SGCZ: variants seen among roughly 807,000 people sequenced by gnomAD.
The protein encoded by SGCZ is zeta-sarcoglycan.
In SGCZ, 40 loss-of-function variants were observed where a neutral mutation model predicts 41.3. The ratio of observed to expected loss-of-function variants is 0.97; its 90% CI spans 0.75 to 1.26. The LOEUF is 1.26. Among genes scored for constraint, SGCZ ranks in the 50% most tolerant of loss-of-function variants. The pLI is 0.00. For missense variants in SGCZ, 552 were observed against 369.8 expected (o/e 1.49, Z -4.04); for synonymous variants, 206 against 137.5 (o/e 1.50, Z -3.49).
intron 1 of SGCZ, among the ~76,000 whole-genome samples, chr8:15,090,498 C>T (rs1359757265): frequency 1.3e-5 from 2 of 152,138 alleles, no homozygotes; most frequent in Middle Eastern, 3.2e-3. Flanking sequence ...AGGGCTGCAC[C>T]CAGGAGGGAA....
intron 3 of SGCZ, among the ~76,000 whole-genome samples, chr8:14,250,534 T>C (rs1393316014): frequency 2.6e-5 from 4 of 152,164 alleles, no homozygotes; most frequent in African/African-American, 9.7e-5. Flanking sequence ...TGCAGTGTGC[T>C]AGCCTCCCCA....
intron 1 of SGCZ, among the ~76,000 whole-genome samples, chr8:14,734,836 A>G (rs1222730956): frequency 5.1e-5 from 3 of 58,710 alleles, no homozygotes; most frequent in African/African-American, 3.4e-4. Context: ...TGTAGTGGGT[A>G]TTTACCTTAA....
intron 5 of SGCZ, among the ~76,000 whole-genome samples, chr8:14,149,907 C>A (rs1239210237): frequency 6.6e-6 from 1 of 152,030 alleles, no homozygotes; most frequent in African/African-American, 2.4e-5. Context: ...ACAAAGGTGC[C>A]AAGAACATAC....
chr8:14,560,171 ATT>A (rs1804165022), intron 1 of SGCZ, among the ~76,000 whole-genome samples: 2 of 152,046 alleles, frequency 1.3e-5, no homozygotes, highest in Admixed American at 1.3e-4. Flanking sequence ...GTTAACAATA[ATT>A]TATTGCACAT....
At chr8:14,375,792 A>C (rs1399854738) in intron 2 of SGCZ, among the ~76,000 whole-genome samples, 1 of 152,168 alleles carries the variant, frequency 6.6e-6, no homozygotes, top group African/African-American at 2.4e-5. Context: ...GAATAAATTA[A>C]ATTCCCAAAT....
intron 4 of SGCZ, among the ~76,000 whole-genome samples, chr8:14,188,428 G>A (rs1285899405): frequency 2.1e-5 from 3 of 143,890 alleles, no homozygotes; most frequent in Non-Finnish European, 4.8e-5. Context: ...ATTATGTTTG[G>A]TGAAAAAACC....
At chr8:14,359,800 C>G (rs945065923) in intron 2 of SGCZ, among the ~76,000 whole-genome samples, 46 of 147,330 alleles carry the variant, frequency 3.1e-4, no homozygotes, top group Non-Finnish European at 5.5e-4. Flanking sequence ...GCTAGTATTG[C>G]CTAATACAAA....
intron 2 of SGCZ, among the ~76,000 whole-genome samples, chr8:14,497,033 T>G (rs931651546): frequency 3.9e-5 from 6 of 152,198 alleles, no homozygotes; most frequent in African/African-American, 1.4e-4. Flanking sequence ...TGCAGTAGAA[T>G]TAACACTGAC....
intron 1 of SGCZ, among the ~76,000 whole-genome samples, chr8:14,846,701 TCCAAAAAAAAA>T (rs878935059): frequency 9.8e-5 from 10 of 102,074 alleles, no homozygotes; most frequent in Non-Finnish European, 1.4e-4. Context: ...ACCCTTTAAA[TCCAAAAAAAAA>T]AAAAAAAAAA....
intron 1 of SGCZ, among the ~76,000 whole-genome samples, chr8:15,032,752 C>T (rs1281866410): frequency 6.6e-6 from 1 of 152,134 alleles, no homozygotes; most frequent in Non-Finnish European, 1.5e-5. Context: ...CCCCCACAGC[C>T]CCAGACGTCA....
intron 2 of SGCZ, among the ~76,000 whole-genome samples, chr8:14,514,001 G>A (rs1350873): frequency 0.48 from 72,967 of 151,830 alleles, 17,837 homozygotes; most frequent in East Asian, 0.66. Flanking sequence ...CAATATTTCA[G>A]GGGTTTACAG....
intron 3 of SGCZ, among the ~76,000 whole-genome samples, chr8:14,266,684 T>A (rs1799879464): frequency 6.6e-6 from 1 of 152,148 alleles, no homozygotes; most frequent in Non-Finnish European, 1.5e-5. Flanking sequence ...AGGGTTTTTA[T>A]CTTATCCTAA....
At chr8:14,387,208 C>A (rs917314360) in intron 2 of SGCZ, among the ~76,000 whole-genome samples, 3 of 152,098 alleles carry the variant, frequency 2.0e-5, no homozygotes, top group East Asian at 3.9e-4. Flanking sequence ...CCATCACACA[C>A]GACTAACCTT....
At chr8:15,063,444 G>C (rs1017093492) in intron 1 of SGCZ, among the ~76,000 whole-genome samples, 1 of 152,132 alleles carries the variant, frequency 6.6e-6, no homozygotes, top group African/African-American at 2.4e-5. Context: ...ATATTAAAGT[G>C]AGACAAAATA....
chr8:14,965,040 C>A (rs192282743), intron 1 of SGCZ, among the ~76,000 whole-genome samples: 1 of 151,994 alleles, frequency 6.6e-6, no homozygotes, highest in Non-Finnish European at 1.5e-5. Context: ...CCCCCATTCC[C>A]GAGGTAAGAC....
chr8:15,206,776 G>T (rs1461109511), intron 1 of SGCZ, among the ~76,000 whole-genome samples: 4 of 148,966 alleles, frequency 2.7e-5, no homozygotes, highest in Admixed American at 6.7e-5. Flanking sequence ...CAACTAAAGA[G>T]ATTTTTTTTT....
At chr8:14,821,760 C>G (rs1168536361) in intron 1 of SGCZ, among the ~76,000 whole-genome samples, 1 of 151,928 alleles carries the variant, frequency 6.6e-6, no homozygotes, top group East Asian at 1.9e-4. Flanking sequence ...TGACAAAATT[C>G]AGCATCCCTT....
chr8:14,723,309 G>A (rs556733886), intron 1 of SGCZ, among the ~76,000 whole-genome samples: 41 of 152,320 alleles, frequency 2.7e-4, no homozygotes, highest in Non-Finnish European at 5.1e-4. Flanking sequence ...CTGAACACCA[G>A]GGCTTGTTCC....
chr8:14,921,261 C>G (rs1051998995), intron 1 of SGCZ, among the ~76,000 whole-genome samples: 2 of 152,092 alleles, frequency 1.3e-5, no homozygotes, highest in Non-Finnish European at 2.9e-5. Context: ...CTCCTTCAGA[C>G]CTAAAATGAT....
Sources: gnomAD v4.1 joint callset for allele counts (sites outside exome capture counted in the v4.1 genomes callset) on GRCh38, gnomAD v4.1.1 for gene constraint, MANE v1.5 for transcripts, NCBI Gene and HGNC (gene_info 2026-07-23, HGNC 2026-07-21) for gene names.